The following PXDNL variants were observed in gnomAD, a reference collection of about 807,000 sequenced individuals.
PXDNL encodes probable oxidoreductase PXDNL.
PXDNL carries 145 observed loss-of-function variants against 150.8 expected under a neutral mutation model. That is an observed-to-expected ratio of 0.96 (90% CI 0.84 to 1.10). The LOEUF (loss-of-function observed/expected upper bound fraction) is 1.10. PXDNL is among the 50% of genes least tolerant of loss of function. The pLI, the probability that PXDNL is intolerant of heterozygous loss-of-function variation, is 0.00. For synonymous variants in PXDNL, 757 were observed against 725.7 expected (o/e 1.04, Z -0.69); for missense variants, 2,087 against 1,873.9 (o/e 1.11, Z -2.10).
chr8:51,561,087 C>T (rs1218875778), intron 3 of PXDNL, among the ~76,000 whole-genome samples: 2 of 151,798 alleles, frequency 1.3e-5, no homozygotes, highest in African/African-American at 4.8e-5. Flanking sequence ...GTTAGGATAG[C>T]TACTTTCAAA....
chr8:51,696,810 C>CAT (rs1816150259), intron 1 of PXDNL, among the ~76,000 whole-genome samples: 1 of 44,116 alleles, frequency 2.3e-5, no homozygotes, highest in Non-Finnish European at 8.5e-5. Context: ...GGTCTTCACA[C>CAT]ACACACACAC....
chr8:51,664,490 A>G (rs1815338937), intron 1 of PXDNL, among the ~76,000 whole-genome samples: 1 of 151,700 alleles, frequency 6.6e-6, no homozygotes, highest in Admixed American at 6.6e-5. Context: ...GCCTGGGAAG[A>G]CAGACTGGCA....
chr8:51,659,461 C>T (rs1355064824), intron 1 of PXDNL, among the ~76,000 whole-genome samples: 1 of 152,200 alleles, frequency 6.6e-6, no homozygotes, highest in South Asian at 2.1e-4. Flanking sequence ...AGCTCAAACT[C>T]AATTCAGAAA....
chr8:51,606,847 C>T (rs571821748), intron 2 of PXDNL, among the ~76,000 whole-genome samples: 9 of 152,268 alleles, frequency 5.9e-5, no homozygotes, highest in Admixed American at 2.6e-4. Context: ...CACATAGCAA[C>T]TTGGACTAAC....
intron 19 of PXDNL, among the ~76,000 whole-genome samples, chr8:51,367,686 C>G (rs140574773): frequency 1.3e-5 from 2 of 151,956 alleles, no homozygotes; most frequent in East Asian, 3.9e-4. Context: ...AAAGGAATTA[C>G]TTATATAACA....
intron 1 of PXDNL, among the ~76,000 whole-genome samples, chr8:51,689,851 T>A (rs73576208): frequency 0.034 from 5,161 of 152,294 alleles, 276 homozygotes; most frequent in African/African-American, 0.11. Context: ...AGCACAGATT[T>A]AGCTTTTAAC....
At position 51,484,381 on chromosome 8, in the gene PXDNL, G is replaced by A. The variant is rs541224783; in HGVS notation, c.453-667C>T. Among the ~76,000 whole-genome samples, 3 of 149,406 alleles carry A rather than the reference G, an allele frequency of 2.0e-5. No individual in the cohort carries two copies. In the South Asian group the frequency reaches 6.4e-4, roughly 32 times the overall value. On this transcript the variant is annotated intron_variant, in intron 5 of 22. Transcript: ENST00000356297. ...ACTGGGCAGGCAGAGGTTTTAGTGA[G>A]CCGAGATTGCACCCCTACACTTCAG...
chr8:51,487,556 G>T (rs565898144), intron 5 of PXDNL, among the ~76,000 whole-genome samples: 1 of 151,976 alleles, frequency 6.6e-6, no homozygotes, highest in Non-Finnish European at 1.5e-5. Context: ...ATACTTTAAC[G>T]AAAGCACTCA....
At position 51,809,047 on chromosome 8, in the gene PXDNL, A is replaced by G; in HGVS notation, c.164+134T>C. 4.5e-6 allele frequency: 4 copies of G among 884,618 alleles called. No individual in the cohort carries two copies. The South Asian group carries it at 6.7e-5, about 15-fold the overall frequency. 54.8% of individuals were successfully genotyped at this position (884,618 alleles called of 1,614,324 possible). On this transcript the variant is annotated intron_variant, in intron 1 of 22. Coordinates refer to ENST00000356297, the MANE Select transcript of PXDNL (RefSeq NM_144651.5). ...CAGAGCAGAACCATGAAATTGTTTGAAAAGTGAAAAGCCTCTTCTAAGTAT... is the reference window on the plus strand; with the variant it reads ...CAGAGCAGAACCATGAAATTGTTTGGAAAGTGAAAAGCCTCTTCTAAGTAT...
intron 10 of PXDNL, among the ~76,000 whole-genome samples, chr8:51,453,047 C>T (rs1483307188): frequency 6.6e-6 from 1 of 152,130 alleles, no homozygotes; most frequent in African/African-American, 2.4e-5. Context: ...ATTGCATGCC[C>T]ATGCATATAA....
chr8:51,454,813 ACTC>A (rs1331478491), intron 9 of PXDNL, among the ~76,000 whole-genome samples: 3 of 152,072 alleles, frequency 2.0e-5, no homozygotes, highest in South Asian at 4.1e-4. Flanking sequence ...GAACAAACAC[ACTC>A]CTCCTTGTGT....
At chr8:51,567,844 C>T (rs1434170701) in intron 3 of PXDNL, among the ~76,000 whole-genome samples, 1 of 151,706 alleles carries the variant, frequency 6.6e-6, no homozygotes, top group African/African-American at 2.4e-5. Context: ...CCCAAATTAT[C>T]TCTAAATTAC....
At chr8:51,656,307 A>T (rs763869749) in intron 1 of PXDNL, among the ~76,000 whole-genome samples, 4 of 151,758 alleles carry the variant, frequency 2.6e-5, no homozygotes, top group African/African-American at 9.7e-5. Flanking sequence ...TATAGGAGCT[A>T]TTATTTTCAA....
intron 21 of PXDNL, among the ~76,000 whole-genome samples, chr8:51,337,216 A>C (rs1805854760): frequency 6.6e-6 from 1 of 152,230 alleles, no homozygotes; most frequent in African/African-American, 2.4e-5. Context: ...GTTTTTAATC[A>C]CTACAGCACA....
At chr8:51,487,045 G>A (rs926465966) in intron 5 of PXDNL, among the ~76,000 whole-genome samples, 4 of 151,364 alleles carry the variant, frequency 2.6e-5, no homozygotes, top group African/African-American at 7.3e-5. Flanking sequence ...GGCCCGCCCC[G>A]GCTTCCCAAA....
At chr8:51,801,685 A>G (rs1362264500) in intron 1 of PXDNL, among the ~76,000 whole-genome samples, 2 of 152,226 alleles carry the variant, frequency 1.3e-5, no homozygotes, top group Non-Finnish European at 2.9e-5. Context: ...CAGTGTGCAC[A>G]AAGCCCATTT....
In PXDNL at chr8:51,426,702, T is replaced by C. The variant is rs769775455; in HGVS notation, c.1582A>G (p.Ile528Val). Residue 528 changes from isoleucine to valine, a missense_variant, in exon 13 of 23, where the codon ATA becomes GTA. Physicochemically the swap from Ile to Val is conservative, Grantham distance 29. Coordinates refer to ENST00000356297, the MANE Select transcript of PXDNL (RefSeq NM_144651.5). Reference sequence around the variant, plus strand: ...CCTTGAGCATGACATGAAATGTTTATATTCTTTCCAACCTCGACACTTGTA... The same window carrying C: ...CCTTGAGCATGACATGAAATGTTTACATTCTTTCCAACCTCGACACTTGTA... ...QDTSVEVGKN[I>V]NISCHAQGEP... 6.2e-6 allele frequency: 10 copies of C among 1,609,054 alleles called. No individual in the cohort carries two copies. Among genetic ancestry groups the C allele is most frequent in the Admixed American group, 1.7e-5 (1 of 59,448 alleles).
intron 1 of PXDNL, among the ~76,000 whole-genome samples, chr8:51,747,319 T>C (rs2036996595): frequency 1.3e-5 from 2 of 152,314 alleles, no homozygotes; most frequent in South Asian, 4.1e-4. Context: ...GTTATTTCAT[T>C]CTTCTACGTT....
chr8:51,464,968 C>T (rs1217152242), intron 8 of PXDNL, among the ~76,000 whole-genome samples: 1 of 152,150 alleles, frequency 6.6e-6, no homozygotes, highest in Non-Finnish European at 1.5e-5. Flanking sequence ...CCAAATTTTA[C>T]CTGACATACA....
Sources: allele counts gnomAD v4.1 joint callset (sites outside exome capture counted in the v4.1 genomes callset), GRCh38; gene constraint gnomAD v4.1.1; transcripts MANE v1.5; gene names NCBI Gene and HGNC (gene_info 2026-07-23, HGNC 2026-07-21).